Variants in FBXL4 observed in about 807,000 individuals in gnomAD.
FBXL4 encodes the protein F-box/LRR-repeat protein 4.
A neutral mutation model predicts 58.9 loss-of-function variants in FBXL4; 40 were observed. The observed-to-expected ratio is 0.68, with a 90% CI of 0.53 to 0.88. FBXL4 has a LOEUF of 0.88. Among genes scored for constraint, FBXL4 ranks in the 40% least tolerant of loss-of-function variants. The pLI is 0.00. For missense variants in FBXL4, 676 were observed against 734.4 expected, an observed-to-expected ratio of 0.92 and a Z score of 0.92; for synonymous variants, 263 against 265.5, an observed-to-expected ratio of 0.99 and a Z score of 0.09.
At chr6:98,929,311 C>T (rs1407664265) in intron 2 of FBXL4, among the ~76,000 whole-genome samples, 1 of 152,018 alleles carries the variant, frequency 6.6e-6, no homozygotes, top group African/African-American at 2.4e-5. Flanking sequence ...GTGGCTCACG[C>T]CTGTAATCCC....
At chr6:98,944,503 T>C (rs1773546637) in intron 1 of FBXL4, among the ~76,000 whole-genome samples, 1 of 152,112 alleles carries the variant, frequency 6.6e-6, no homozygotes, top group Non-Finnish European at 1.5e-5. Context: ...AACAATAAAA[T>C]AGCATTTTTC....
At chr6:98,913,336 T>C (rs1772180537) in intron 5 of FBXL4, among the ~76,000 whole-genome samples, 1 of 152,076 alleles carries the variant, frequency 6.6e-6, no homozygotes, top group Admixed American at 6.5e-5. Flanking sequence ...CTAATAGACA[T>C]CTACAGAACT....
intron 1 of FBXL4, among the ~76,000 whole-genome samples, chr6:98,939,455 A>G (rs992321537): frequency 1.2e-4 from 18 of 152,244 alleles, no homozygotes; most frequent in African/African-American, 4.3e-4. Context: ...TCTTTCTTAT[A>G]GCAATCCTGC....
intron 6 of FBXL4, among the ~76,000 whole-genome samples, chr6:98,903,690 A>G (rs1253072358): frequency 8.5e-5 from 13 of 152,140 alleles, no homozygotes; most frequent in Admixed American, 6.5e-5. Flanking sequence ...GAAGCTGCAT[A>G]AAGTTTTTAA....
intron 2 of FBXL4, among the ~76,000 whole-genome samples, chr6:98,932,141 T>C (rs757398188): frequency 1.3e-5 from 2 of 152,214 alleles, no homozygotes; most frequent in African/African-American, 4.8e-5. Context: ...TTTTTGTTCA[T>C]TCAAAAAGCT....
intron 5 of FBXL4, among the ~76,000 whole-genome samples, chr6:98,915,158 G>T (rs371052676): frequency 0.021 from 3,147 of 151,846 alleles, 165 homozygotes; most frequent in East Asian, 0.19. Flanking sequence ...CACTGCTCAA[G>T]GAAATAAAAG....
In FBXL4 at chr6:98,917,555, T is replaced by C. The variant is rs1772411519; in HGVS notation, c.677A>G (p.His226Arg). The C allele has an allele frequency of 6.2e-7, 1 of 1,614,050 alleles. No homozygotes were observed. The highest frequency in any genetic ancestry group is 8.5e-7 in the Non-Finnish European group (1 of 1,179,932). The change falls in exon 5 of 10, where the codon CAT becomes CGT. Residue 226 changes from histidine (H) to arginine (R), a missense_variant. His to Arg is a conservative substitution (Grantham distance 29, BLOSUM62 0). Coordinates refer to ENST00000369244, the MANE Select transcript of FBXL4 (RefSeq NM_001278716.2). ...AAGCACTGGCTTGTCCTTCACACCA[T>C]GTAGCACAACTGCATCTAATTCAGT... ...YYTELDAVVL[H>R]GVKDKPVLSL... is the part of the protein sequence containing the mutation.
At chr6:98,938,861 T>C (rs765505145) in intron 1 of FBXL4, among the ~76,000 whole-genome samples, 1 of 151,744 alleles carries the variant, frequency 6.6e-6, no homozygotes, top group East Asian at 1.9e-4. Flanking sequence ...GGCAGAAGGA[T>C]CACTGGAGAC....
At chr6:98,887,772 G>A (rs10484608) in intron 7 of FBXL4, among the ~76,000 whole-genome samples, 10,761 of 152,200 alleles carry the variant, frequency 0.071, 516 homozygotes, top group East Asian at 0.19. Context: ...GAACAATGAT[G>A]ACCTTGGAAG....
chr6:98,932,742 A>T (rs1773060092), intron 2 of FBXL4, among the ~76,000 whole-genome samples: 1 of 152,210 alleles, frequency 6.6e-6, no homozygotes, highest in Non-Finnish European at 1.5e-5. Context: ...AGAACCTGAA[A>T]ACAAGTTTAA....
At chr6:98,896,088 T>C (rs1042767141) in intron 7 of FBXL4, among the ~76,000 whole-genome samples, 2 of 152,146 alleles carry the variant, frequency 1.3e-5, no homozygotes, top group African/African-American at 4.8e-5. Context: ...TTTTCACGTA[T>C]GTCCTTAGAG....
chr6:98,879,493 G>A (rs905791099), intron 8 of FBXL4, among the ~76,000 whole-genome samples: 1 of 152,118 alleles, frequency 6.6e-6, no homozygotes, highest in African/African-American at 2.4e-5. Flanking sequence ...TTATATCTCA[G>A]TATTATTTAA....
At chr6:98,933,467 C>T (rs1328258701) in intron 2 of FBXL4, among the ~76,000 whole-genome samples, 2 of 152,168 alleles carry the variant, frequency 1.3e-5, no homozygotes, top group African/African-American at 4.8e-5. Flanking sequence ...AGCACTCCTG[C>T]TTTCATGCCT....
chr6:98,916,118 T>G (rs1332188233), intron 5 of FBXL4, among the ~76,000 whole-genome samples: 1 of 151,908 alleles, frequency 6.6e-6, no homozygotes, highest in Non-Finnish European at 1.5e-5. Context: ...CACAATGAGA[T>G]ACCATCTCAC....
At chr6:98,941,603 C>G (rs1773434563) in intron 1 of FBXL4, among the ~76,000 whole-genome samples, 1 of 152,166 alleles carries the variant, frequency 6.6e-6, no homozygotes, top group Non-Finnish European at 1.5e-5. Flanking sequence ...TTGGCATGTT[C>G]TGCCCACTTG....
At chr6:98,925,957 TG>T (rs1269767512) in intron 4 of FBXL4, among the ~76,000 whole-genome samples, 1 of 152,160 alleles carries the variant, frequency 6.6e-6, no homozygotes, top group Non-Finnish European at 1.5e-5. Flanking sequence ...GGAGCTGTTA[TG>T]CAAAACAGGC....
At chr6:98,946,891 C>G (rs764293029) in intron 1 of FBXL4, among the ~76,000 whole-genome samples, 1 of 152,056 alleles carries the variant, frequency 6.6e-6, no homozygotes, top group African/African-American at 2.4e-5. Flanking sequence ...ATACAATATG[C>G]GGTACAGGAT....
At position 98,926,571 on chromosome 6, in the gene FBXL4, C is replaced by CT. The variant is rs761902417; in HGVS notation, c.417_418insA (p.Val140SerfsTer14). 1 of 1,614,166 alleles carries CT rather than the reference C, an allele frequency of 6.2e-7. No individual in the cohort carries two copies. Among genetic ancestry groups the CT allele is most frequent in the Non-Finnish European group, 8.5e-7 (1 of 1,180,026 alleles). On this transcript the variant is annotated frameshift_variant, in exon 4 of 10. Transcript: ENST00000369244. LOFTEE classifies it high-confidence loss of function. ...GGATGATAGGTTTCTAGAACATGTACAGCTGTAGGATACACCTGTTGTTCA... is the reference window on the plus strand; with the variant it reads ...GGATGATAGGTTTCTAGAACATGTACTAGCTGTAGGATACACCTGTTGTTCA...
intron 7 of FBXL4, among the ~76,000 whole-genome samples, chr6:98,881,376 G>A (rs938312945): frequency 2.6e-5 from 4 of 151,902 alleles, no homozygotes; most frequent in African/African-American, 9.7e-5. Flanking sequence ...ACAAAATAAT[G>A]CAAAATATTC....
Sources: gnomAD v4.1 joint callset for allele counts (sites outside exome capture counted in the v4.1 genomes callset) on GRCh38, gnomAD v4.1.1 for gene constraint, MANE v1.5 for transcripts, NCBI Gene and HGNC (gene_info 2026-07-23, HGNC 2026-07-21) for gene names.